The following SLC4A4 variants were observed in gnomAD, a reference collection of about 807,000 sequenced individuals.
SLC4A4 encodes electrogenic sodium bicarbonate cotransporter 1.
Under a neutral mutation model 111.5 loss-of-function variants are expected in SLC4A4, and 27 were observed. That is an observed-to-expected ratio of 0.24 (90% CI 0.18 to 0.33). The LOEUF is 0.33. Among genes scored for constraint, SLC4A4 ranks in the 10% least tolerant of loss-of-function variants. SLC4A4 has a pLI of 1.00. For synonymous variants in SLC4A4, 443 were observed against 463.4 expected (o/e 0.96, Z 0.57); for missense variants, 909 against 1,315.5 (o/e 0.69, Z 4.78).
rs187563030 is a variant in SLC4A4, at chr4:71,566,382, G to A, written c.3197-622G>A. On this transcript the variant is annotated intron_variant, in intron 24 of 25. Transcript: ENST00000264485. ...TAGCCCCTTATAAAGAAATGTAAAA[G>A]CTATTTTTTAAAAAAATTACTAGCC... Among the ~76,000 whole-genome samples the A allele has an allele frequency of 2.8e-4, 42 of 151,802 alleles. No homozygotes were observed. In the East Asian group the frequency reaches 8.0e-3, roughly 29 times the overall value.
intron 6 of SLC4A4, among the ~76,000 whole-genome samples, chr4:71,393,447 T>C (rs1442559618): frequency 2.0e-5 from 3 of 151,996 alleles, no homozygotes; most frequent in Non-Finnish European, 2.9e-5. Flanking sequence ...CTTAGGAATA[T>C]ACCTAACGAA....
At position 71,415,876 on chromosome 4, in the gene SLC4A4, A is replaced by C. The variant is rs6827289; in HGVS notation, c.807+18223A>C. On this transcript the variant is annotated intron_variant, in intron 7 of 25. Transcript: ENST00000264485. ...ATTTAACATATTTATTGAGGGACCT[A>C]TTATCTGCTCAGCATTGTGCATAAA... Among the ~76,000 whole-genome samples the C allele has an allele frequency of 9.0e-3, 1,378 of 152,296 alleles. 25 individuals carry two copies. Among genetic ancestry groups the C allele is most frequent in the African/African-American group, 0.032 (1,328 of 41,552 alleles).
chr4:71,068,964 A>G lies in SLC4A4; in HGVS notation c.-65+6176A>G, dbSNP rs191533822. ...TTAGGAATAAGTTCAGTCTTTTGTC[A>G]TGACATATATGACAGTTGTGATGTG... On this transcript the variant is annotated intron_variant, in intron 1 of 26. Coordinates refer to the SLC4A4 transcript ENST00000649996. Among the ~76,000 whole-genome samples, 15 of 152,322 alleles carry G rather than the reference A, an allele frequency of 9.8e-5. No individual in the cohort carries two copies. The East Asian group carries it at 2.9e-3, about 29-fold the overall frequency.
chr4:71,408,489 C>T (rs149206936), intron 7 of SLC4A4, among the ~76,000 whole-genome samples: 6 of 152,244 alleles, frequency 3.9e-5, no homozygotes, highest in African/African-American at 1.4e-4. Flanking sequence ...GGATGAAAGT[C>T]CATTTCATTT....
At chr4:71,070,629 G>C (rs1383785179) in intron 1 of SLC4A4, among the ~76,000 whole-genome samples, 1 of 152,172 alleles carries the variant, frequency 6.6e-6, no homozygotes, top group Non-Finnish European at 1.5e-5. Flanking sequence ...TTCTGTTTCT[G>C]GTGACATAGT....
At chr4:71,536,552 A>G (rs1411439897) in intron 18 of SLC4A4, among the ~76,000 whole-genome samples, 5 of 145,190 alleles carry the variant, frequency 3.4e-5, no homozygotes, top group African/African-American at 1.3e-4. Context: ...GCTGGAGTGC[A>G]GTGGCTTGAT....
At chr4:71,213,766 A>G (rs929728612) in intron 1 of SLC4A4, among the ~76,000 whole-genome samples, 1 of 152,126 alleles carries the variant, frequency 6.6e-6, no homozygotes, top group South Asian at 2.1e-4. Context: ...GTGCCCCTGT[A>G]AGAAGAGACA....
intron 2 of SLC4A4, among the ~76,000 whole-genome samples, chr4:71,093,805 G>A (rs1742459373): frequency 6.6e-6 from 1 of 152,074 alleles, no homozygotes; most frequent in Admixed American, 6.6e-5. Context: ...GGGTCATTTT[G>A]CATCCTATTA....
intron 13 of SLC4A4, among the ~76,000 whole-genome samples, chr4:71,472,294 AG>A (rs1408446683): frequency 6.6e-6 from 1 of 151,954 alleles, no homozygotes. Flanking sequence ...ACATAGGGAC[AG>A]AAAATATATT....
chr4:71,260,086 T>A (rs553184397), intron 3 of SLC4A4, among the ~76,000 whole-genome samples: 164 of 152,254 alleles, frequency 1.1e-3, no homozygotes, highest in Middle Eastern at 0.01. Context: ...AACTGATGGA[T>A]TTATGCTAGT....
intron 3 of SLC4A4, among the ~76,000 whole-genome samples, chr4:71,310,206 G>A (rs1306081338): frequency 1.3e-5 from 2 of 152,036 alleles, no homozygotes; most frequent in African/African-American, 4.8e-5. Context: ...ACCTATGATT[G>A]ATTGGGGTCC....
rs866310584 is a variant in SLC4A4 at position 71,292,734 on chromosome 4, A to G, written c.253+37335A>G. Among the ~76,000 whole-genome samples the G allele has an allele frequency of 5.9e-5, 9 of 152,186 alleles. No individual in the cohort carries two copies. In the South Asian group the frequency reaches 1.9e-3, roughly 32 times the overall value. ...ATTGAAATAATAAATAGGCGGGAAA[A>G]AATGAGAGGAAAAAAGATAGGTACA... is the stretch of plus-strand genomic sequence containing the variant. On this transcript the variant is annotated intron_variant, in intron 3 of 25. Transcript: ENST00000264485.
chr4:71,366,466 C>A (rs1183911472), intron 6 of SLC4A4, among the ~76,000 whole-genome samples: 1 of 151,952 alleles, frequency 6.6e-6, no homozygotes, highest in African/African-American at 2.4e-5. Context: ...AAACAATATT[C>A]CTCACAACAT....
At chr4:71,134,614 A>C (rs780465558) in intron 2 of SLC4A4, among the ~76,000 whole-genome samples, 1 of 152,214 alleles carries the variant, frequency 6.6e-6, no homozygotes, top group Non-Finnish European at 1.5e-5. Flanking sequence ...ATATCACTGA[A>C]TACTAGAGTG....
rs146086514 is a variant in SLC4A4 at position 71,432,069 on chromosome 4, T to C, written c.808-8547T>C. 5.9e-5 allele frequency among the ~76,000 whole-genome samples: 9 copies of C among 152,278 alleles called. No homozygotes were observed. The East Asian group carries it at 1.7e-3, about 29-fold the overall frequency. On this transcript the variant is annotated intron_variant, in intron 7 of 25. Coordinates refer to ENST00000264485, the MANE Select transcript of SLC4A4 (RefSeq NM_001098484.3). ...AATGTGATTCAGAAATGAGCACTTA[T>C]GAAGTTCCCAAGGAATTGGGCTGAG... is the stretch of plus-strand genomic sequence containing the variant.
intron 1 of SLC4A4, among the ~76,000 whole-genome samples, chr4:71,072,756 GT>G (rs1193824804): frequency 1.3e-5 from 2 of 151,610 alleles, no homozygotes; most frequent in Admixed American, 1.3e-4. Flanking sequence ...ATAAATGGGG[GT>G]TTATCTTCCT....
chr4:71,186,656 A>T (rs753386300), upstream of SLC4A4: 1 of 151,550 alleles, frequency 6.6e-6, no homozygotes, highest in African/African-American at 2.4e-5. Flanking sequence ...GACGCCGAGC[A>T]GCGGCCCGGA....
At chr4:71,437,537 T>C in intron 7 of SLC4A4, 2 of 481,170 alleles carry the variant, frequency 4.2e-6, no homozygotes, top group South Asian at 1.6e-5. Context: ...CTGTAGTCTT[T>C]GCTGAAAACA....
At chr4:71,254,857 G>A (rs184545740) in intron 2 of SLC4A4, among the ~76,000 whole-genome samples, 1 of 152,226 alleles carries the variant, frequency 6.6e-6, no homozygotes, top group East Asian at 1.9e-4. Flanking sequence ...TAGAAATGAT[G>A]AGAGGCCCAG....
Sources: gnomAD v4.1 joint callset for allele counts (sites outside exome capture counted in the v4.1 genomes callset) on GRCh38, gnomAD v4.1.1 for gene constraint, MANE v1.5 for transcripts, NCBI Gene and HGNC (gene_info 2026-07-23, HGNC 2026-07-21) for gene names.